LRP2: variants seen among roughly 807,000 people sequenced by gnomAD.
LRP2 encodes the protein low-density lipoprotein receptor-related protein 2.
LRP2 carries 172 observed loss-of-function variants against 531.0 expected under a neutral mutation model. The ratio of observed to expected loss-of-function variants is 0.32; its 90% CI spans 0.29 to 0.37. The LOEUF is 0.37. Among genes scored for constraint, LRP2 ranks in the 10% least tolerant of loss-of-function variants. The probability of loss-of-function intolerance (pLI) is 1.00; values close to 1 mark genes in which losing one functional copy is unlikely to be tolerated. For missense variants in LRP2, 5,167 were observed against 5,868.3 expected, an observed-to-expected ratio of 0.88 and a Z score of 3.90; for synonymous variants, 1,992 against 2,027.6, an observed-to-expected ratio of 0.98 and a Z score of 0.47.
chr2:169,163,125 C>T (rs2105371789), intron 62 of LRP2, among the ~76,000 whole-genome samples: 1 of 152,220 alleles, frequency 6.6e-6, no homozygotes, highest in South Asian at 2.1e-4. Flanking sequence ...ATAGTGGAGG[C>T]AGGAAAGGTG....
At chr2:169,168,018 A>AATATATATATATATATATATAT (rs4001548) in intron 61 of LRP2, among the ~76,000 whole-genome samples, 3,907 of 67,368 alleles carry the variant, frequency 0.058, 394 homozygotes, top group Non-Finnish European at 0.066. Context: ...CAGGGTTTAA[A>AATATATATATATATATATATAT]ATATATATAT....
Position 169,201,618 on chromosome 2 carries a change from A to G in LRP2, c.8452+10T>C. The stretch of plus-strand genomic sequence containing the variant: ...CCCAAAATCACAATAAGCACTTAAG[A>G]TAAACTTACGGCAATTTTTCTCATC... On this transcript the variant is annotated intron_variant, in intron 44 of 78. Transcript: ENST00000649046. 3.1e-6 allele frequency: 5 copies of G among 1,614,176 alleles called. No homozygotes were observed. The highest frequency in any genetic ancestry group is 1.3e-5 in the African/African-American group (1 of 75,058).
intron 1 of LRP2, among the ~76,000 whole-genome samples, chr2:169,349,955 G>C (rs1333705630): frequency 2.0e-5 from 3 of 152,204 alleles, no homozygotes; most frequent in Non-Finnish European, 4.4e-5. Flanking sequence ...GCTGTGATCT[G>C]ACTGATGTTC....
chr2:169,140,513 A>T lies in LRP2; in HGVS notation c.13141T>A (p.Cys4381Ser). Residue 4381 changes from cysteine (C) to serine (S), a missense_variant, in exon 72 of 79, where the codon TGC (cysteine) becomes AGC (serine). By Grantham distance (112) the Cys-to-Ser change is moderately radical. Transcript: ENST00000649046. ...IELPINLPPP[C>S]RCMHGGNCYF... The stretch of plus-strand genomic sequence containing the variant: ...CAATTTCCTCCGTGCATGCACCTGC[A>T]TGGGGGGGGCAGGTTGATAGGCAGT... 1 of 1,614,006 alleles carries T rather than the reference A, an allele frequency of 6.2e-7. No homozygotes were observed. The highest frequency in any genetic ancestry group is 8.5e-7 in the Non-Finnish European group (1 of 1,179,916).
intron 1 of LRP2, among the ~76,000 whole-genome samples, chr2:169,326,132 G>GCCTCTCCCTGTCCCTCTC (rs1685043051): frequency 3.8e-5 from 3 of 79,848 alleles, no homozygotes; most frequent in African/African-American, 2.2e-4. Flanking sequence ...TTTTTGCTCT[G>GCCTCTCCCTGTCCCTCTC]CCTCTCCCTC....
chr2:169,338,359 G>GGAAAGAAAA (rs1685467388), intron 1 of LRP2, among the ~76,000 whole-genome samples: 3 of 76,566 alleles, frequency 3.9e-5, no homozygotes, highest in Admixed American at 1.4e-4. Flanking sequence ...AAAGAAAGAA[G>GGAAAGAAAA]GAAAGAAAGA....
In LRP2 at chr2:169,205,920, T is replaced by C; in HGVS notation, c.7556+103A>G. 3 of 1,439,698 alleles carry C rather than the reference T, an allele frequency of 2.1e-6. No homozygotes were observed. In the South Asian group the frequency reaches 3.5e-5, roughly 17 times the overall value. 89.2% of individuals were successfully genotyped at this position (1,439,698 alleles called of 1,614,324 possible). A position where few individuals can be genotyped will look rare whatever the true frequency, so the allele number is the denominator to read the frequency against. The stretch of plus-strand genomic sequence containing the variant: ...TCATTTTTGAATCTGTAGCCATAGT[T>C]TTATAAGCCCATAACACATTGGCTA... On this transcript the variant is annotated intron_variant, in intron 40 of 78. Transcript: ENST00000649046.
chr2:169,300,162 T>C (rs1684252060), intron 4 of LRP2, among the ~76,000 whole-genome samples: 1 of 152,100 alleles, frequency 6.6e-6, no homozygotes. Flanking sequence ...GTGTGCAAGG[T>C]ACTAAAGAAT....
At chr2:169,166,872 G>A (rs138568387) in intron 61 of LRP2, among the ~76,000 whole-genome samples, 1 of 152,276 alleles carries the variant, frequency 6.6e-6, no homozygotes, top group East Asian at 1.9e-4. Context: ...TCTTTCACAT[G>A]GAGGATTTGG....
chr2:169,268,942 A>T (rs979176305), intron 16 of LRP2, among the ~76,000 whole-genome samples: 4 of 152,196 alleles, frequency 2.6e-5, no homozygotes, highest in African/African-American at 9.6e-5. Flanking sequence ...AATCACAAGC[A>T]TTCCTATACA....
chr2:169,356,516 A>T (rs536549794), intron 1 of LRP2, among the ~76,000 whole-genome samples: 1 of 152,358 alleles, frequency 6.6e-6, no homozygotes, highest in Admixed American at 6.5e-5. Context: ...TGAGGTAGAT[A>T]TATGTCCATT....
Position 169,182,165 on chromosome 2 carries a change from AC to A in LRP2, c.9998+1del. ...AAGCCCAGGATTGCAGGGAGACAAT[AC>A]CCATATTGAGGGTGAAGGGCAAGTC... On this transcript the variant is annotated splice_donor_variant, in intron 51 of 78. Coordinates refer to ENST00000649046, the MANE Select transcript of LRP2 (RefSeq NM_004525.3). LOFTEE classifies it high-confidence loss of function. 1 of 1,614,066 alleles carries A rather than the reference AC, an allele frequency of 6.2e-7. No individual in the cohort carries two copies. The highest frequency in any genetic ancestry group is 8.5e-7 in the Non-Finnish European group (1 of 1,179,976).
intron 1 of LRP2, among the ~76,000 whole-genome samples, chr2:169,360,163 G>T (rs920259127): frequency 6.8e-6 from 1 of 147,582 alleles, no homozygotes; most frequent in Non-Finnish European, 1.5e-5. Context: ...GAGAGAGAGA[G>T]AGAAAACCAG....
chr2:169,284,256 C>CTTTTTTTTTTTTTTTTTTTTTTTT (rs1216987363), intron 9 of LRP2, among the ~76,000 whole-genome samples: 5 of 96,666 alleles, frequency 5.2e-5, no homozygotes, highest in African/African-American at 1.8e-4. Flanking sequence ...TCTTTTTTTT[C>CTTTTTTTTTTTTTTTTTTTTTTTT]TTTTTTTTTT....
At chr2:169,312,019 C>T (rs1241927468) in intron 3 of LRP2, among the ~76,000 whole-genome samples, 1 of 152,192 alleles carries the variant, frequency 6.6e-6, no homozygotes, top group Non-Finnish European at 1.5e-5. Flanking sequence ...ACTAGGATTG[C>T]AACCCCTGCC....
chr2:169,339,713 A>T (rs1261330648), intron 1 of LRP2, among the ~76,000 whole-genome samples: 3 of 152,176 alleles, frequency 2.0e-5, no homozygotes, highest in Non-Finnish European at 4.4e-5. Context: ...TAGTATCTAC[A>T]ATTTTAAAAT....
At chr2:169,133,511 C>T (rs754787519) in intron 76 of LRP2, among the ~76,000 whole-genome samples, 13 of 152,118 alleles carry the variant, frequency 8.5e-5, no homozygotes, top group South Asian at 2.1e-4. Context: ...TAAACATTTC[C>T]GATCTTAAAA....
intron 32 of LRP2, 118 bp downstream of exon 32, chr2:169,226,304 T>G (rs183215240): frequency 1.2e-6 from 1 of 825,426 alleles, no homozygotes; most frequent in Admixed American, 2.2e-5. Context: ...AGGGATAAAT[T>G]TATTTCCACA....
intron 16 of LRP2, among the ~76,000 whole-genome samples, chr2:169,263,067 T>C: frequency 6.6e-6 from 1 of 152,322 alleles, no homozygotes; most frequent in East Asian, 1.9e-4. Context: ...ACTGGATCCC[T>C]TCCTTACACC....
Sources: allele counts gnomAD v4.1 joint callset (sites outside exome capture counted in the v4.1 genomes callset), GRCh38; gene constraint gnomAD v4.1.1; transcripts MANE v1.5; gene names NCBI Gene and HGNC (gene_info 2026-07-23, HGNC 2026-07-21).